Variants in AMN observed in about 807,000 individuals in gnomAD.
AMN encodes the protein amnion associated transmembrane protein.
AMN carries 40 observed loss-of-function variants against 49.1 expected under a neutral mutation model. The ratio of observed to expected loss-of-function variants is 0.81; its 90% CI spans 0.63 to 1.06. AMN has a LOEUF of 1.06. Among genes scored for constraint, AMN ranks in the 50% least tolerant of loss-of-function variants. The pLI is 0.00. For missense variants in AMN, 701 were observed against 662.8 expected (o/e 1.06, Z -0.63); for synonymous variants, 380 against 313.3 (o/e 1.21, Z -2.25).
intron 3 of AMN, among the ~76,000 whole-genome samples, chr14:102,927,627 G>A (rs538570688): frequency 4.7e-4 from 71 of 152,332 alleles, no homozygotes; most frequent in Non-Finnish European, 9.0e-4. Context: ...TCCTGCCTCG[G>A]GTGGGCGCGC....
chr14:102,929,286 G>A (rs1891272073), intron 6 of AMN, 28 bp downstream of exon 6: 2 of 1,436,044 alleles, frequency 1.4e-6, no homozygotes, highest in South Asian at 1.5e-5. Context: ...GGAGTCGCGG[G>A]GGCCGCGCGA....
chr14:102,923,693 C>CA lies in AMN; in HGVS notation c.44-17dup. 8 of 1,602,684 alleles carry CA rather than the reference C, an allele frequency of 5.0e-6. No individual in the cohort carries two copies. The highest frequency in any genetic ancestry group is 6.8e-6 in the Non-Finnish European group (8 of 1,170,888). ...CATCCCGGAGAGCATCCCGGGCACT[C>CA]AGTCGCCTCCTCCCCAGCACTGACC... is the stretch of plus-strand genomic sequence containing the variant. On this transcript the variant is annotated splice_polypyrimidine_tract_variant and intron_variant, in intron 1 of 11. Transcript: ENST00000299155.
In AMN at chr14:102,923,713, C is replaced by T; in HGVS notation, c.46C>T (p.Leu16=). The change falls in exon 2 of 12, where the codon CTG becomes TTG. Residue 16 remains leucine (L), a splice_region_variant and synonymous_variant. Transcript: ENST00000299155. ...GCACTCAGTCGCCTCCTCCCCAGCA[C>T]TGACCCAGGCGGTCTCCAAACTCTG... ...RVLLWLQLCA[L]TQAVSKLWVP... The T allele has an allele frequency of 6.2e-7, 1 of 1,612,486 alleles. No individual in the cohort carries two copies. The highest frequency in any genetic ancestry group is 8.5e-7 in the Non-Finnish European group (1 of 1,179,572).
At chr14:102,929,876 C>A in intron 8 of AMN, 48 bp from the exon 9 acceptor site, 1 of 1,548,780 alleles carries the variant, frequency 6.5e-7, no homozygotes, top group Non-Finnish European at 8.7e-7. Flanking sequence ...CCCATAGGCT[C>A]GGGGAGGGCG....
chr14:102,928,160 G>A (rs1175177188), intron 3 of AMN, among the ~76,000 whole-genome samples: 2 of 152,252 alleles, frequency 1.3e-5, no homozygotes, highest in Non-Finnish European at 1.5e-5. Flanking sequence ...CTCCGGCTCT[G>A]CCCCTGGCCT....
rs1329102490 is a variant in AMN at position 102,926,204 on chromosome 14, T to TC, written c.208-2222_208-2221insC. Reference sequence around the variant, plus strand: ...TAGAACTGTGTTTTTTCTGTTTCGTTTGAGAATCGCGTCTGCTCCTCAGTC... The same window carrying TC: ...TAGAACTGTGTTTTTTCTGTTTCGTTCTGAGAATCGCGTCTGCTCCTCAGTC... On this transcript the variant is annotated intron_variant, in intron 3 of 11. Coordinates refer to ENST00000299155, the MANE Select transcript of AMN (RefSeq NM_030943.4). Among the ~76,000 whole-genome samples the TC allele has an allele frequency of 4.6e-5, 7 of 152,320 alleles. No homozygotes were observed. The South Asian group carries it at 1.2e-3, about 27-fold the overall frequency.
intron 1 of AMN, chr14:102,923,187 T>TC: frequency 4.3e-6 from 1 of 231,872 alleles, no homozygotes; most frequent in Non-Finnish European, 8.6e-6. Flanking sequence ...CCCTCGCGGC[T>TC]CCCTCAGGAC....
At position 102,924,064 on chromosome 14, in the gene AMN, G is replaced by A. The variant is rs531742126; in HGVS notation, c.207+85G>A. The A allele has an allele frequency of 7.2e-4, 1,134 of 1,584,632 alleles. 9 individuals carry two copies. In the African/African-American group the frequency reaches 0.013, roughly 19 times the overall value. ...CAGGGACTGCTGTGCCTTGAGGGCGGACCCCACCGGCATGGAGGCACTGCA... is the reference window on the plus strand; with the variant it reads ...CAGGGACTGCTGTGCCTTGAGGGCGAACCCCACCGGCATGGAGGCACTGCA... On this transcript the variant is annotated intron_variant, in intron 3 of 11. Coordinates refer to ENST00000299155, the MANE Select transcript of AMN (RefSeq NM_030943.4).
chr14:102,922,663 G>A lies in AMN; in HGVS notation c.-26G>A. Reference sequence around the variant, plus strand: ...TGGGTCCAGTGGGGCAAAGTCTCCTGGTGGGGTGCAAGGAGCCGAGGCGAG... The same window carrying A: ...TGGGTCCAGTGGGGCAAAGTCTCCTAGTGGGGTGCAAGGAGCCGAGGCGAG... On this transcript the variant is annotated 5_prime_UTR_variant, in exon 1 of 12. Coordinates refer to ENST00000299155, the MANE Select transcript of AMN (RefSeq NM_030943.4). 6.3e-7 allele frequency: 1 copy of A among 1,595,346 alleles called. No homozygotes were observed.
At position 102,929,229 on chromosome 14, in the gene AMN, C is replaced by T; in HGVS notation, c.622C>T (p.Pro208Ser). The T allele has an allele frequency of 6.5e-7, 1 of 1,540,054 alleles. No homozygotes were observed. The highest frequency in any genetic ancestry group is 2.4e-5 in the East Asian group (1 of 41,592). ...LSVGPEDCAD[P>S]SGCVCGNAEA... ...CGTGGGCCCCGAGGACTGCGCGGAC[C>T]CGTCGGGCTGCGTCTGCGGCAACGC... The change falls in exon 6 of 12, where the codon CCG becomes TCG. Residue 208 changes from proline (P) to serine (S), a missense_variant. Pro to Ser is a moderately conservative substitution (Grantham distance 74, BLOSUM62 -1). Coordinates refer to ENST00000299155, the MANE Select transcript of AMN (RefSeq NM_030943.4).
intron 11 of AMN, 22 bp downstream of exon 11, chr14:102,930,515 C>T: frequency 1.9e-6 from 3 of 1,540,236 alleles, no homozygotes; most frequent in Non-Finnish European, 2.6e-6. Flanking sequence ...GGAGGGGGGA[C>T]CGGGGCCTCC....
At position 102,930,119 on chromosome 14, in the gene AMN, G is replaced by T. The variant is rs1486084138; in HGVS notation, c.1006+33G>T. 3.3e-6 allele frequency: 5 copies of T among 1,500,620 alleles called. No homozygotes were observed. Among genetic ancestry groups the T allele is most frequent in the African/African-American group, 2.9e-5 (2 of 69,158 alleles). The allele number at this position is 1,500,620 out of a possible 1,614,324, so 93.0% of individuals were successfully genotyped here. ...CGCCCGCCCCATCCCGCCCCGCCGC[G>T]CCTCGCCCCGCCGCGGGGAAGACTG... On this transcript the variant is annotated intron_variant, in intron 9 of 11. Coordinates refer to ENST00000299155, the MANE Select transcript of AMN (RefSeq NM_030943.4).
intron 2 of AMN, 29 bp from the exon 3 acceptor site, chr14:102,923,906 G>A (rs1024639553): frequency 1.2e-6 from 2 of 1,613,040 alleles, no homozygotes; most frequent in African/African-American, 1.3e-5. Flanking sequence ...GGTTGCTCCC[G>A]GCTCGGCTGA....
At chr14:102,924,417 A>G (rs1042007623) in intron 3 of AMN, among the ~76,000 whole-genome samples, 3 of 151,782 alleles carry the variant, frequency 2.0e-5, no homozygotes, top group Non-Finnish European at 4.4e-5. Context: ...AGGCGAGCCC[A>G]CTCCTGCCTG....
chr14:102,927,336 G>T (rs555267405), intron 3 of AMN, among the ~76,000 whole-genome samples: 1 of 152,094 alleles, frequency 6.6e-6, no homozygotes, highest in Non-Finnish European at 1.5e-5. Flanking sequence ...TACTGTGCTC[G>T]TCTGTTCAAC....
intron 1 of AMN, 67 bp from the exon 2 acceptor site, chr14:102,923,643 TG>T: frequency 7.3e-7 from 1 of 1,374,736 alleles, no homozygotes; most frequent in Non-Finnish European, 1.0e-6. Flanking sequence ...CTTCTCTGGG[TG>T]GGTGGCCTTC....
intron 3 of AMN, among the ~76,000 whole-genome samples, chr14:102,925,879 C>G (rs1891176273): frequency 6.6e-6 from 1 of 152,218 alleles, no homozygotes; most frequent in African/African-American, 2.4e-5. Flanking sequence ...CCTCCACACC[C>G]CTGGCTCCCA....
At chr14:102,929,404 G>T (rs896201571) in intron 6 of AMN, 24 bp from the exon 7 acceptor site, 151 of 1,528,428 alleles carry the variant, frequency 9.9e-5, no homozygotes, top group Non-Finnish European at 1.2e-4. Context: ...GGCCCTCCGC[G>T]CTGACCACCG....
At chr14:102,926,093 A>G (rs971121987) in intron 3 of AMN, among the ~76,000 whole-genome samples, 4 of 152,140 alleles carry the variant, frequency 2.6e-5, no homozygotes, top group African/African-American at 9.7e-5. Flanking sequence ...AGGCTTTGCA[A>G]GTCTGCTCAC....
Sources: gnomAD v4.1 joint callset for allele counts (sites outside exome capture counted in the v4.1 genomes callset) on GRCh38, gnomAD v4.1.1 for gene constraint, MANE v1.5 for transcripts, NCBI Gene and HGNC (gene_info 2026-07-23, HGNC 2026-07-21) for gene names.